ZNF366: variants seen among roughly 807,000 people sequenced by gnomAD.
The protein encoded by ZNF366 is zinc finger protein 366.
A neutral mutation model predicts 47.2 loss-of-function variants in ZNF366; 20 were observed. That is an observed-to-expected ratio of 0.42 (90% confidence interval 0.30 to 0.62). The LOEUF is 0.62. Ranked by LOEUF, ZNF366 falls within the 20% of genes least tolerant of loss-of-function variation. The pLI is 0.16. For synonymous variants in ZNF366, 421 were observed against 395.1 expected, an observed-to-expected ratio of 1.07 and a Z score of -0.78; for missense variants, 987 against 976.3, an observed-to-expected ratio of 1.01 and a Z score of -0.15.
At chr5:72,488,099 T>C (rs188885587) in intron 1 of ZNF366, among the ~76,000 whole-genome samples, 214 of 151,668 alleles carry the variant, frequency 1.4e-3, no homozygotes, top group African/African-American at 4.9e-3. Context: ...TCCCAGCTAC[T>C]GGGGAGGCTG....
chr5:72,452,304 G>A (rs1743090567), intron 3 of ZNF366, among the ~76,000 whole-genome samples: 2 of 152,210 alleles, frequency 1.3e-5, no homozygotes, highest in African/African-American at 2.4e-5. Flanking sequence ...CAAAAGGACC[G>A]TGAGAAAACA....
chr5:72,489,833 C>G (rs1024230038), intron 1 of ZNF366, among the ~76,000 whole-genome samples: 4 of 152,174 alleles, frequency 2.6e-5, no homozygotes, highest in African/African-American at 9.7e-5. Context: ...GGGAATCAGC[C>G]AGAAAGTAAA....
chr5:72,473,334 A>C (rs758961363), intron 1 of ZNF366, among the ~76,000 whole-genome samples: 5 of 152,208 alleles, frequency 3.3e-5, no homozygotes, highest in African/African-American at 4.8e-5. Flanking sequence ...TTGTTATTTG[A>C]GAAAATGAAT....
rs139629180 is a variant in ZNF366, at chr5:72,454,935, A to G, written c.1524+1469T>C. ...ATGGGCATACAACACAAGGTCCCAT[A>G]GTCAGAAAGCTCCTGAGTTTGGCTT... On this transcript the variant is annotated intron_variant, in intron 3 of 4. Transcript: ENST00000318442. Among the ~76,000 whole-genome samples, 9 of 152,262 alleles carry G rather than the reference A, an allele frequency of 5.9e-5. No individual in the cohort carries two copies. In the East Asian group the frequency reaches 1.5e-3, roughly 26 times the overall value.
intron 1 of ZNF366, among the ~76,000 whole-genome samples, chr5:72,493,209 C>T (rs1744047780): frequency 6.6e-6 from 1 of 152,224 alleles, no homozygotes; most frequent in South Asian, 2.1e-4. Context: ...CAAAAACAGT[C>T]TCAAGTATTC....
Position 72,460,576 on chromosome 5 carries a change from C to T in ZNF366, c.921G>A (p.Arg307=). Residue 307 remains arginine, a synonymous_variant, in exon 2 of 5, where the codon CGG becomes CGA. Transcript: ENST00000318442. ...TGTGGCACACCTGGCACTTGTGGGG[C>T]CGCGTGCCCTGGTGGGTCAGCATGT... ...HTHMLTHQGT[R]PHKCQVCHKA... The T allele has an allele frequency of 6.2e-7, 1 of 1,614,088 alleles. No homozygotes were observed. Among genetic ancestry groups the T allele is most frequent in the Non-Finnish European group, 8.5e-7 (1 of 1,180,028 alleles).
At chr5:72,481,092 T>C (rs1743782125) in intron 1 of ZNF366, among the ~76,000 whole-genome samples, 1 of 152,180 alleles carries the variant, frequency 6.6e-6, no homozygotes, top group South Asian at 2.1e-4. Context: ...TAGAGGGCTA[T>C]TGGCAAATAA....
At chr5:72,505,111 C>A (rs570124323) in intron 1 of ZNF366, among the ~76,000 whole-genome samples, 3 of 152,122 alleles carry the variant, frequency 2.0e-5, no homozygotes, top group Non-Finnish European at 4.4e-5. Flanking sequence ...CAGAAATTAA[C>A]GAATAAAATA....
intron 4 of ZNF366, among the ~76,000 whole-genome samples, chr5:72,446,913 C>G (rs1189175858): frequency 1.3e-5 from 2 of 152,176 alleles, no homozygotes; most frequent in African/African-American, 4.8e-5. Context: ...CTTCATTCCC[C>G]CGCTGTAAAA....
At chr5:72,456,382 C>T (rs759913585) in intron 3 of ZNF366, 22 bp downstream of exon 3, 1 of 1,579,442 alleles carries the variant, frequency 6.3e-7, no homozygotes, top group Admixed American at 1.7e-5. Context: ...CCCTCTGGTT[C>T]CTCTCTAGTC....
chr5:72,479,292 GT>G (rs1197727664), intron 1 of ZNF366, among the ~76,000 whole-genome samples: 1 of 152,108 alleles, frequency 6.6e-6, no homozygotes, highest in African/African-American at 2.4e-5. Flanking sequence ...GCTTGGCGTT[GT>G]GGCTTACACC....
intron 1 of ZNF366, among the ~76,000 whole-genome samples, chr5:72,496,950 A>C (rs1744123495): frequency 6.6e-6 from 1 of 152,060 alleles, no homozygotes; most frequent in Non-Finnish European, 1.5e-5. Flanking sequence ...ATTTATTCAA[A>C]ATTTGTGTCC....
chr5:72,502,346 C>G (rs935392817), intron 1 of ZNF366, among the ~76,000 whole-genome samples: 9 of 152,168 alleles, frequency 5.9e-5, no homozygotes, highest in Admixed American at 5.2e-4. Flanking sequence ...TCTAAAAGAA[C>G]AGCCTTCATT....
At chr5:72,494,069 C>G (rs1255909540) in intron 1 of ZNF366, among the ~76,000 whole-genome samples, 1 of 151,892 alleles carries the variant, frequency 6.6e-6, no homozygotes, top group Admixed American at 6.6e-5. Context: ...CTACACCCAG[C>G]CTTAAAATTT....
At chr5:72,482,953 C>T (rs1395680808) in intron 1 of ZNF366, among the ~76,000 whole-genome samples, 1 of 152,092 alleles carries the variant, frequency 6.6e-6, no homozygotes, top group Admixed American at 6.5e-5. Context: ...TATGTTAGTA[C>T]CCTAAACTCA....
intron 1 of ZNF366, among the ~76,000 whole-genome samples, chr5:72,485,198 G>A (rs1007073160): frequency 6.6e-6 from 1 of 152,308 alleles, no homozygotes; most frequent in South Asian, 2.1e-4. Flanking sequence ...CTCAGCACAT[G>A]TTAGAGTGGT....
chr5:72,486,498 C>T lies in ZNF366; in HGVS notation c.-15+20753G>A, dbSNP rs558544601. Reference sequence around the variant, plus strand: ...CCTGTGTACCTCCCCTGCCCTACACCACCACACACAAATATACCACAACAT... The same window carrying T: ...CCTGTGTACCTCCCCTGCCCTACACTACCACACACAAATATACCACAACAT... On this transcript the variant is annotated intron_variant, in intron 1 of 4. Transcript: ENST00000318442. Among the ~76,000 whole-genome samples the T allele has an allele frequency of 3.3e-5, 5 of 152,318 alleles. No individual in the cohort carries two copies. In the East Asian group the frequency reaches 7.7e-4, roughly 24 times the overall value.
intron 3 of ZNF366, among the ~76,000 whole-genome samples, chr5:72,449,082 T>C (rs1743012289): frequency 6.6e-6 from 1 of 152,196 alleles, no homozygotes; most frequent in Non-Finnish European, 1.5e-5. Flanking sequence ...TAATTCCAAC[T>C]TTCTCAAGAA....
intron 1 of ZNF366, among the ~76,000 whole-genome samples, chr5:72,475,468 C>A (rs1743654055): frequency 6.6e-6 from 1 of 152,206 alleles, no homozygotes; most frequent in Non-Finnish European, 1.5e-5. Context: ...GTAAGCCGCA[C>A]TAAATTCTCT....
Sources: allele counts gnomAD v4.1 joint callset (sites outside exome capture counted in the v4.1 genomes callset), GRCh38; gene constraint gnomAD v4.1.1; transcripts MANE v1.5; gene names NCBI Gene and HGNC (gene_info 2026-07-23, HGNC 2026-07-21).